The following ALOX5 variants were observed in gnomAD, a reference collection of about 807,000 sequenced individuals.
The protein encoded by ALOX5 is arachidonate 5-lipoxygenase, also known as polyunsaturated fatty acid 5-lipoxygenase.
A neutral mutation model predicts 87.9 loss-of-function variants in ALOX5; 64 were observed. The ratio of observed to expected loss-of-function variants is 0.73; its 90% CI spans 0.60 to 0.90. The LOEUF (loss-of-function observed/expected upper bound fraction) is 0.90, where lower values mean the gene tolerates loss of function less well. Ranked by LOEUF, ALOX5 falls within the 40% of genes least tolerant of loss-of-function variation. ALOX5 has a pLI of 0.00. For missense variants in ALOX5, 822 were observed against 907.5 expected (o/e 0.91, Z 1.21); for synonymous variants, 388 against 355.1 (o/e 1.09, Z -1.04).
At chr10:45,407,401 T>C (rs532478935) in intron 3 of ALOX5, among the ~76,000 whole-genome samples, 191 of 151,600 alleles carry the variant, frequency 1.3e-3, no homozygotes, top group African/African-American at 4.1e-3. Flanking sequence ...CTTTTTTTTT[T>C]TCCCCCCCAC....
chr10:45,384,316 C>T (rs1311949751), intron 2 of ALOX5, among the ~76,000 whole-genome samples: 5 of 152,186 alleles, frequency 3.3e-5, no homozygotes, highest in Non-Finnish European at 7.3e-5. Context: ...AGGGACAGCA[C>T]AGGTTGGAGG....
intron 2 of ALOX5, among the ~76,000 whole-genome samples, chr10:45,383,700 T>C (rs1214945804): frequency 6.6e-6 from 1 of 152,222 alleles, no homozygotes; most frequent in Non-Finnish European, 1.5e-5. Flanking sequence ...GTACCTGCTG[T>C]TCTTAAGCTA....
chr10:45,374,619 G>A (rs535821637), intron 1 of ALOX5, among the ~76,000 whole-genome samples, 190 bp downstream of exon 1: 2 of 152,180 alleles, frequency 1.3e-5, no homozygotes, highest in African/African-American at 2.4e-5. Flanking sequence ...GTGGCCGGTG[G>A]GTACCCTGGT....
chr10:45,434,580 G>A (rs1842008131), intron 7 of ALOX5, among the ~76,000 whole-genome samples: 1 of 152,212 alleles, frequency 6.6e-6, no homozygotes, highest in African/African-American at 2.4e-5. Flanking sequence ...ACAAGGGACC[G>A]ATAAAGGATA....
chr10:45,444,744 C>T (rs1261445128), intron 13 of ALOX5: 1 of 162,824 alleles, frequency 6.1e-6, no homozygotes, highest in Non-Finnish European at 1.3e-5. Context: ...GTCCAACCTG[C>T]TCCAGACTGC....
chr10:45,445,982 G>C lies in ALOX5; in HGVS notation c.*295G>C, dbSNP rs1466316335. 1 of 386,634 alleles carries C rather than the reference G, an allele frequency of 2.6e-6. No individual in the cohort carries two copies. Among genetic ancestry groups the C allele is most frequent in the Non-Finnish European group, 4.6e-6 (1 of 216,884 alleles). The allele number at this position is 386,634 out of a possible 1,614,324, so 24.0% of individuals were successfully genotyped here. A position where few individuals can be genotyped will look rare whatever the true frequency, so the allele number is the denominator to read the frequency against. ...CGACCACTGATAGATGTCTATTCTT[G>C]TTGGAGACATGGGATGATTATTTTC... is the stretch of plus-strand genomic sequence containing the variant. On this transcript the variant is annotated 3_prime_UTR_variant, in exon 14 of 14. Coordinates refer to ENST00000374391, the MANE Select transcript of ALOX5 (RefSeq NM_000698.5).
intron 4 of ALOX5, among the ~76,000 whole-genome samples, chr10:45,420,837 G>T (rs11819084): frequency 6.6e-6 from 1 of 152,356 alleles, no homozygotes; most frequent in African/African-American, 2.4e-5. Flanking sequence ...AACCTCAATG[G>T]CCTCATTAAA....
chr10:45,388,671 A>G (rs533141964), intron 2 of ALOX5, among the ~76,000 whole-genome samples: 1 of 152,370 alleles, frequency 6.6e-6, no homozygotes, highest in African/African-American at 2.4e-5. Context: ...AAGGACATCC[A>G]CACCACCAAA....
rs1378302259 is a variant in ALOX5 at position 45,445,997 on chromosome 10, T to A, written c.*310T>A. On this transcript the variant is annotated 3_prime_UTR_variant, in exon 14 of 14. Coordinates refer to ENST00000374391, the MANE Select transcript of ALOX5 (RefSeq NM_000698.5). ...GTCTATTCTTGTTGGAGACATGGGA[T>A]GATTATTTTCTGTTCTATTTGTGCT... The A allele has an allele frequency of 8.2e-6, 3 of 364,078 alleles. No homozygotes were observed. Among genetic ancestry groups the A allele is most frequent in the Non-Finnish European group, 1.5e-5 (3 of 202,444 alleles). 22.6% of individuals were successfully genotyped at this position (364,078 alleles called of 1,614,324 possible).
chr10:45,422,201 T>G (rs1841528353), intron 4 of ALOX5, among the ~76,000 whole-genome samples: 1 of 152,178 alleles, frequency 6.6e-6, no homozygotes, highest in African/African-American at 2.4e-5. Context: ...CCTTCATGCA[T>G]GTTCACAGGG....
intron 4 of ALOX5, among the ~76,000 whole-genome samples, chr10:45,416,827 A>G (rs1841306460): frequency 6.8e-6 from 1 of 146,618 alleles, no homozygotes; most frequent in Non-Finnish European, 1.5e-5. Flanking sequence ...GGATGGATGG[A>G]TGGATGACAG....
rs561228949 is a variant in ALOX5, at chr10:45,441,393, G to C, written c.1235G>C (p.Arg412Pro). Residue 412 changes from arginine (R) to proline (P), a missense_variant, in exon 9 of 14, where the codon CGT (arginine) becomes CCT (proline). By Grantham distance (103) the Arg-to-Pro change is moderately radical. Coordinates refer to ENST00000374391, the MANE Select transcript of ALOX5 (RefSeq NM_000698.5). ...ACCATTGCAATCAACACCAAGGCCC[G>C]TGAGCAGCTCATCTGCGAGTGTGGC... ...RFTIAINTKA[R>P]EQLICECGLF... The C allele has an allele frequency of 1.9e-6, 3 of 1,613,832 alleles. No individual in the cohort carries two copies. The highest frequency in any genetic ancestry group is 2.5e-6 in the Non-Finnish European group (3 of 1,179,780).
intron 13 of ALOX5, chr10:45,445,002 AATG>A (rs1021990225): frequency 1.9e-5 from 3 of 155,908 alleles, no homozygotes; most frequent in African/African-American, 7.2e-5. Context: ...ATTTTTTTAA[AATG>A]ATATCTAGCT....
intron 9 of ALOX5, 77 bp downstream of exon 9, chr10:45,441,507 C>T (rs1842234504): frequency 3.5e-6 from 5 of 1,444,896 alleles, no homozygotes. Flanking sequence ...GAGATCTAGA[C>T]ACCCTTTCAG....
intron 1 of ALOX5, among the ~76,000 whole-genome samples, chr10:45,378,709 G>A (rs1839720095): frequency 6.6e-6 from 1 of 152,170 alleles, no homozygotes; most frequent in Non-Finnish European, 1.5e-5. Flanking sequence ...TGGCCCCTGG[G>A]ATGTTAGAAC....
At chr10:45,402,413 G>C (rs7917687) in intron 3 of ALOX5, among the ~76,000 whole-genome samples, 1 of 152,104 alleles carries the variant, frequency 6.6e-6, no homozygotes, top group African/African-American at 2.4e-5. Flanking sequence ...GGTCTGCTAC[G>C]GAGGGCTCGG....
In ALOX5 at chr10:45,445,404, CCTT is replaced by C. The variant is rs1249772122; in HGVS notation, c.1846-102_1846-100del. 3 of 1,374,106 alleles carry C rather than the reference CCTT, an allele frequency of 2.2e-6. No homozygotes were observed. In the African/African-American group the frequency reaches 4.3e-5, roughly 20 times the overall value. 85.1% of individuals were successfully genotyped at this position (1,374,106 alleles called of 1,614,324 possible). A position where few individuals can be genotyped will look rare whatever the true frequency, so the allele number is the denominator to read the frequency against. On this transcript the variant is annotated intron_variant, in intron 13 of 13. Transcript: ENST00000374391. ...ATGGGGAGGTGAATAGATGCTCCCTCCTTCATCTCCCAAACGGTGGCTGGCCCC... is the reference window on the plus strand; with the variant it reads ...ATGGGGAGGTGAATAGATGCTCCCTCCATCTCCCAAACGGTGGCTGGCCCC...
In ALOX5 at chr10:45,389,790, G is replaced by A. The variant is rs1588989334; in HGVS notation, c.350-6065G>A. Among the ~76,000 whole-genome samples, 3 of 152,282 alleles carry A rather than the reference G, an allele frequency of 2.0e-5. No homozygotes were observed. In the East Asian group the frequency reaches 5.8e-4, roughly 29 times the overall value. Reference sequence around the variant, plus strand: ...CTAGGAAGAAACTGCATCAACTAATGAGCAAAATAACCATCTAACATCGTA... The same window carrying A: ...CTAGGAAGAAACTGCATCAACTAATAAGCAAAATAACCATCTAACATCGTA... On this transcript the variant is annotated intron_variant, in intron 2 of 13. Coordinates refer to ENST00000374391, the MANE Select transcript of ALOX5 (RefSeq NM_000698.5).
At chr10:45,377,583 G>C (rs545970710) in intron 1 of ALOX5, among the ~76,000 whole-genome samples, 1 of 151,508 alleles carries the variant, frequency 6.6e-6, no homozygotes, top group Non-Finnish European at 1.5e-5. Context: ...TCCGTCCCTT[G>C]TTTTCCTCAG....
Sources: allele counts gnomAD v4.1 joint callset (sites outside exome capture counted in the v4.1 genomes callset), GRCh38; gene constraint gnomAD v4.1.1; transcripts MANE v1.5; gene names NCBI Gene and HGNC (gene_info 2026-07-23, HGNC 2026-07-21).